MANF: variants seen among roughly 807,000 people sequenced by gnomAD.
The protein encoded by MANF is mesencephalic astrocyte derived neurotrophic factor.
MANF carries 9 observed loss-of-function variants against 19.1 expected under a neutral mutation model. That is an observed-to-expected ratio of 0.47 (90% confidence interval 0.28 to 0.82). The LOEUF is 0.82. Among genes scored for constraint, MANF ranks in the 40% least tolerant of loss-of-function variants. The pLI, the probability that MANF is intolerant of heterozygous loss-of-function variation, is 0.10. For synonymous variants in MANF, 89 were observed against 88.0 expected, an observed-to-expected ratio of 1.01 and a Z score of -0.06; for missense variants, 225 against 226.7, an observed-to-expected ratio of 0.99 and a Z score of 0.05.
At chr3:51,385,532 A>C in intron 1 of MANF, 96 bp downstream of exon 1, 2 of 36,764 alleles carry the variant, frequency 5.4e-5, no homozygotes. Flanking sequence ...CAAGAGGGCG[A>C]GGGCGGGGGC....
rs144902643 is a variant in MANF, at chr3:51,386,931, AATTC to A, written c.222+600_222+603del. 810 of 456,732 alleles carry A rather than the reference AATTC, an allele frequency of 1.8e-3. 7 individuals carry two copies. The highest frequency in any genetic ancestry group is 0.015 in the African/African-American group (738 of 50,190). 28.3% of individuals were successfully genotyped at this position (456,732 alleles called of 1,614,324 possible). On this transcript the variant is annotated intron_variant, in intron 2 of 3. Coordinates refer to ENST00000528157, the MANE Select transcript of MANF (RefSeq NM_006010.6). ...AAGGTTTGAACCCTGGTGACACTTA[AATTC>A]ATTTGGTGGCTGTCAGCTTGGACTG... is the stretch of plus-strand genomic sequence containing the variant.
At position 51,385,293 on chromosome 3, in the gene MANF, T is replaced by A; in HGVS notation, c.-50T>A. The A allele has an allele frequency of 8.6e-7, 1 of 1,168,682 alleles. No individual in the cohort carries two copies. The highest frequency in any genetic ancestry group is 4.2e-5 in the South Asian group (1 of 23,708). The allele number at this position is 1,168,682 out of a possible 1,614,324, so 72.4% of individuals were successfully genotyped here. On this transcript the variant is annotated 5_prime_UTR_variant, in exon 1 of 4. Transcript: ENST00000528157. ...GTGCGGCGCGGCGGGTGCGGTTCAG[T>A]CGGTCGGCGGCGGCAGCGGAGGAGG...
rs782368471 is a variant in MANF at position 51,389,121 on chromosome 3, A to G, written c.*32A>G. 1.9e-6 allele frequency: 3 copies of G among 1,588,744 alleles called. No individual in the cohort carries two copies. The highest frequency in any genetic ancestry group is 4.5e-5 in the East Asian group (2 of 44,426). On this transcript the variant is annotated 3_prime_UTR_variant, in exon 4 of 4. Coordinates refer to ENST00000528157, the MANE Select transcript of MANF (RefSeq NM_006010.6). ...CAATCTCTGTTGCACCTGAGGGGGA[A>G]AAAACAGTTCAACTGCTTACTCCCA...
At chr3:51,386,119 C>A in intron 1 of MANF, 89 bp from the exon 2 acceptor site, 1 of 1,377,538 alleles carries the variant, frequency 7.3e-7, no homozygotes, top group South Asian at 1.2e-5. Flanking sequence ...ATCTCCGTGT[C>A]TCCTATTAAA....
chr3:51,389,172 T>C lies in MANF; in HGVS notation c.*83T>C. On this transcript the variant is annotated 3_prime_UTR_variant, in exon 4 of 4. Coordinates refer to ENST00000528157, the MANE Select transcript of MANF (RefSeq NM_006010.6). ...AAACAGCCTTTTTGTAATTTATTTT[T>C]TAAGTGGGCTCCTGACAATACTGTA... 1 of 1,230,762 alleles carries C rather than the reference T, an allele frequency of 8.1e-7. No individual in the cohort carries two copies. Among genetic ancestry groups the C allele is most frequent in the Non-Finnish European group, 1.1e-6 (1 of 872,846 alleles). The allele number at this position is 1,230,762 out of a possible 1,614,324, so 76.2% of individuals were successfully genotyped here.
At chr3:51,388,850 T>G in intron 3 of MANF, 55 bp from the exon 4 acceptor site, 1 of 1,362,870 alleles carries the variant, frequency 7.3e-7, no homozygotes, top group Non-Finnish European at 1.0e-6. Flanking sequence ...CTGGGACTAC[T>G]GGGGGACTGC....
intron 2 of MANF, 120 bp from the exon 3 acceptor site, chr3:51,387,617 G>A: frequency 1.1e-6 from 1 of 900,196 alleles, no homozygotes; most frequent in Non-Finnish European, 1.7e-6. Flanking sequence ...GGGTGACAGG[G>A]AGCCCTATCT....
At chr3:51,387,123 G>T in intron 2 of MANF, 1 of 344,796 alleles carries the variant, frequency 2.9e-6, no homozygotes. Flanking sequence ...AGGAGTTTGA[G>T]ATCAGCCTGG....
Position 51,385,338 on chromosome 3 carries a change from GGAGGAT to G in MANF, c.2_7del (p.MetArg1_?2), listed in dbSNP as rs1577015342. The G allele has an allele frequency of 3.2e-6, 4 of 1,231,762 alleles. No individual in the cohort carries two copies. Among genetic ancestry groups the G allele is most frequent in the Non-Finnish European group, 4.1e-6 (4 of 983,314 alleles). The allele number at this position is 1,231,762 out of a possible 1,614,324, so 76.3% of individuals were successfully genotyped here. On this transcript the variant is annotated start_lost and 5_prime_UTR_variant, in exon 1 of 4. Transcript: ENST00000528157. The stretch of plus-strand genomic sequence containing the variant: ...AGGAGGAGGAGGAGGAGGAGGATGA[GGAGGAT>G]GAGGAGGATGTGGGCCACGCAGGGG...
chr3:51,385,344 T>TGAG lies in MANF; in HGVS notation c.8_10dup (p.Arg3dup), dbSNP rs2088932313. 2.9e-5 allele frequency: 36 copies of TGAG among 1,228,146 alleles called. No individual in the cohort carries two copies. The highest frequency in any genetic ancestry group is 3.7e-5 in the Non-Finnish European group (36 of 981,628). The allele number at this position is 1,228,146 out of a possible 1,614,324, so 76.1% of individuals were successfully genotyped here. The stretch of plus-strand genomic sequence containing the variant: ...AGGAGGAGGAGGAGGATGAGGAGGA[T>TGAG]GAGGAGGATGTGGGCCACGCAGGGG... On this transcript the variant is annotated inframe_insertion, in exon 1 of 4. Coordinates refer to ENST00000528157, the MANE Select transcript of MANF (RefSeq NM_006010.6).
Position 51,389,177 on chromosome 3 carries a change from T to A in MANF, c.*88T>A. On this transcript the variant is annotated 3_prime_UTR_variant, in exon 4 of 4. Coordinates refer to ENST00000528157, the MANE Select transcript of MANF (RefSeq NM_006010.6). ...GCCTTTTTGTAATTTATTTTTTAAG[T>A]GGGCTCCTGACAATACTGTATCAGA... is the stretch of plus-strand genomic sequence containing the variant. 8.4e-7 allele frequency: 1 copy of A among 1,192,232 alleles called. No individual in the cohort carries two copies. Among genetic ancestry groups the A allele is most frequent in the Non-Finnish European group, 1.2e-6 (1 of 838,802 alleles). The allele number at this position is 1,192,232 out of a possible 1,614,324, so 73.9% of individuals were successfully genotyped here. A position where few individuals can be genotyped will look rare whatever the true frequency, so the allele number is the denominator to read the frequency against.
chr3:51,389,064 C>T lies in MANF; in HGVS notation c.524C>T (p.Ala175Val). The T allele has an allele frequency of 1.9e-6, 3 of 1,612,792 alleles. 1 individual carries two copies. The Middle Eastern group carries it at 5.0e-4, about 266-fold the overall frequency. The change falls in exon 4 of 4, where the codon GCA (alanine) becomes GTA (valine). Residue 175 changes from alanine to valine, a missense_variant. Ala to Val is a moderately conservative substitution (Grantham distance 64). Coordinates refer to ENST00000528157, the MANE Select transcript of MANF (RefSeq NM_006010.6). ...CTGATGCCTAAATATGCCCCCAAGG[C>T]AGCCAGTGCACGGACCGATTTGTAG... is the stretch of plus-strand genomic sequence containing the variant. ...NELMPKYAPK[A>V]ASARTDL is the part of the protein sequence containing the mutation.
Position 51,387,744 on chromosome 3 carries a change from A to C in MANF, c.230A>C (p.Tyr77Ser), listed in dbSNP as rs1553621050. ...TGTCCTTTATTGCTCCAGTGCTACT[A>C]TATCGGGGCCACAGATGATGCAGCC... Reference protein sequence around the residue: ...ARGKENRLCYYIGATDDAATK... With the variant: ...ARGKENRLCYSIGATDDAATK... Residue 77 changes from tyrosine (Y) to serine (S), a missense_variant, in exon 3 of 4, where the codon TAT becomes TCT. By Grantham distance (144) the Tyr-to-Ser change is moderately radical (BLOSUM62 -2). Coordinates refer to ENST00000528157, the MANE Select transcript of MANF (RefSeq NM_006010.6). The C allele has an allele frequency of 6.2e-7, 1 of 1,611,510 alleles. No homozygotes were observed. The highest frequency in any genetic ancestry group is 1.7e-5 in the Admixed American group (1 of 59,726).
rs2088976591 is a variant in MANF at position 51,387,787 on chromosome 3, G to A, written c.273G>A (p.Glu91=). ...TDDAATKIIN[E]VSKPLAHHIP... Reference sequence around the variant, plus strand: ...ATGCAGCCACCAAAATCATCAATGAGGTATCAAAGCCTCTGGCCCACCACA... The same window carrying A: ...ATGCAGCCACCAAAATCATCAATGAAGTATCAAAGCCTCTGGCCCACCACA... The change falls in exon 3 of 4, where the codon GAG becomes GAA. Residue 91 remains glutamate, a synonymous_variant. Coordinates refer to ENST00000528157, the MANE Select transcript of MANF (RefSeq NM_006010.6). 8.7e-6 allele frequency: 14 copies of A among 1,612,932 alleles called. No individual in the cohort carries two copies. The highest frequency in any genetic ancestry group is 1.7e-5 in the Admixed American group (1 of 59,824).
intron 2 of MANF, 114 bp downstream of exon 2, chr3:51,386,449 C>G: frequency 8.8e-7 from 1 of 1,130,282 alleles, no homozygotes; most frequent in Non-Finnish European, 1.3e-6. Flanking sequence ...CAGCTACTCT[C>G]TCCATAAACT....
intron 3 of MANF, among the ~76,000 whole-genome samples, chr3:51,388,597 A>G (rs1387502240): frequency 6.6e-6 from 1 of 152,174 alleles, no homozygotes; most frequent in Non-Finnish European, 1.5e-5. Flanking sequence ...TGTGGTGACT[A>G]TGTCAGAGGC....
intron 2 of MANF, chr3:51,386,810 G>C (rs1372143487): frequency 4.4e-6 from 2 of 454,278 alleles, no homozygotes; most frequent in African/African-American, 2.0e-5. Context: ...GTGCCTACAG[G>C]ATAGGCAAGG....
intron 1 of MANF, 184 bp from the exon 2 acceptor site, chr3:51,386,024 G>C (rs893116050): frequency 1.3e-5 from 8 of 609,858 alleles, no homozygotes; most frequent in Non-Finnish European, 2.3e-5. Flanking sequence ...TGTACCAGGG[G>C]ACCCCCGCCA....
At chr3:51,387,908 T>A (rs1553621068) in intron 3 of MANF, 30 bp downstream of exon 3, 4 of 1,609,144 alleles carry the variant, frequency 2.5e-6, no homozygotes. Flanking sequence ...TCTTAATGAA[T>A]GCTGTGCACC....
Sources: gnomAD v4.1 joint callset for allele counts (sites outside exome capture counted in the v4.1 genomes callset) on GRCh38, gnomAD v4.1.1 for gene constraint, MANE v1.5 for transcripts, NCBI Gene and HGNC (gene_info 2026-07-23, HGNC 2026-07-21) for gene names.